The following PCDH9 variants were observed in gnomAD, a reference collection of about 807,000 sequenced individuals.
The protein encoded by PCDH9 is protocadherin 9, also known as protocadherin-9.
PCDH9 carries 24 observed loss-of-function variants against 70.6 expected under a neutral mutation model. The observed-to-expected ratio is 0.34, with a 90% confidence interval of 0.25 to 0.48. PCDH9 has a LOEUF of 0.48. Among genes scored for constraint, PCDH9 ranks in the 20% least tolerant of loss-of-function variants. The pLI, the probability that PCDH9 is intolerant of heterozygous loss-of-function variation, is 0.99. For synonymous variants in PCDH9, 562 were observed against 558.5 expected (o/e 1.01, Z -0.09); for missense variants, 1,281 against 1,503.6 (o/e 0.85, Z 2.45).
At chr13:67,176,281 A>G (rs1254545164) in intron 2 of PCDH9, among the ~76,000 whole-genome samples, 1 of 152,134 alleles carries the variant, frequency 6.6e-6, no homozygotes, top group African/African-American at 2.4e-5. Context: ...TGGTGTTCCA[A>G]TTATTACCAG....
At chr13:66,774,984 C>A (rs1472181936) in intron 3 of PCDH9, among the ~76,000 whole-genome samples, 1 of 152,130 alleles carries the variant, frequency 6.6e-6, no homozygotes, top group Admixed American at 6.5e-5. Flanking sequence ...ACATTGAAAT[C>A]TATTATAATT....
intron 2 of PCDH9, among the ~76,000 whole-genome samples, chr13:66,921,044 T>A (rs993369526): frequency 1.3e-5 from 2 of 151,154 alleles, no homozygotes; most frequent in Admixed American, 1.3e-4. Flanking sequence ...TGATCAATGC[T>A]TATACTGAAT....
intron 4 of PCDH9, among the ~76,000 whole-genome samples, chr13:66,446,517 T>A (rs1217253851): frequency 2.6e-5 from 4 of 152,090 alleles, no homozygotes; most frequent in Non-Finnish European, 1.5e-5. Context: ...CTAAAAGCCA[T>A]GATTTATAAC....
chr13:66,648,342 C>G (rs1274360243), intron 3 of PCDH9, among the ~76,000 whole-genome samples: 1 of 152,172 alleles, frequency 6.6e-6, no homozygotes, highest in African/African-American at 2.4e-5. Context: ...TCCTCCAGCA[C>G]CAGGCAGCTC....
chr13:66,440,144 C>T (rs75862162), intron 4 of PCDH9, among the ~76,000 whole-genome samples: 3 of 152,274 alleles, frequency 2.0e-5, no homozygotes, highest in East Asian at 1.9e-4. Flanking sequence ...CTGTCTACTT[C>T]GATGAGAAGT....
chr13:66,510,059 T>C (rs1959391304), intron 4 of PCDH9, among the ~76,000 whole-genome samples: 1 of 152,182 alleles, frequency 6.6e-6, no homozygotes, highest in Admixed American at 6.5e-5. Context: ...TTTTTGGCTT[T>C]TACTCTTTTA....
chr13:66,973,797 A>T (rs2083566497), intron 2 of PCDH9, among the ~76,000 whole-genome samples: 1 of 152,004 alleles, frequency 6.6e-6, no homozygotes, highest in Non-Finnish European at 1.5e-5. Flanking sequence ...TAAAAGGTAT[A>T]ATGTGTCTGA....
chr13:66,559,246 G>A (rs1480129286), intron 4 of PCDH9, among the ~76,000 whole-genome samples: 1 of 152,140 alleles, frequency 6.6e-6, no homozygotes, highest in African/African-American at 2.4e-5. Context: ...TCTTGGTGAT[G>A]TAGTAAAGGA....
chr13:67,101,316 G>T (rs2086429300), intron 2 of PCDH9, among the ~76,000 whole-genome samples: 1 of 151,752 alleles, frequency 6.6e-6, no homozygotes, highest in Admixed American at 6.6e-5. Context: ...TGTGCAGCTG[G>T]AAAAAAAAGT....
chr13:66,492,133 T>C (rs7339194), intron 4 of PCDH9, among the ~76,000 whole-genome samples: 118,247 of 152,076 alleles, frequency 0.78, 47,138 homozygotes, highest in East Asian at 0.91. Context: ...AAAAGATACT[T>C]GCTGTTTGTC....
intron 3 of PCDH9, among the ~76,000 whole-genome samples, chr13:66,781,317 T>A (rs563718781): frequency 4.1e-4 from 63 of 152,312 alleles, no homozygotes; most frequent in African/African-American, 1.5e-3. Context: ...TGTACTAGGA[T>A]TCACCTCTTG....
rs149186689 is a variant in PCDH9 at position 67,043,498 on chromosome 13, G to A, written c.3037-139893C>T. On this transcript the variant is annotated intron_variant, in intron 2 of 4. Transcript: ENST00000377865. Reference sequence around the variant, plus strand: ...AAAGTGGATGGTGATGCCAAATACAGGGATAAAATATATAGGAAGTAGAAC... The same window carrying A: ...AAAGTGGATGGTGATGCCAAATACAAGGATAAAATATATAGGAAGTAGAAC... Among the ~76,000 whole-genome samples the A allele has an allele frequency of 7.9e-3, 1,196 of 152,144 alleles. 52 individuals carry two copies. The highest frequency in any genetic ancestry group is 0.069 in the Admixed American group (1,049 of 15,258).
At chr13:67,010,247 T>C (rs73211165) in intron 2 of PCDH9, among the ~76,000 whole-genome samples, 24,905 of 151,846 alleles carry the variant, frequency 0.16, 2,167 homozygotes, top group Middle Eastern at 0.24. Flanking sequence ...ATAAGTTCCT[T>C]AAAGTCCCCA....
At chr13:67,176,612 T>C (rs1422433526) in intron 2 of PCDH9, among the ~76,000 whole-genome samples, 2 of 152,100 alleles carry the variant, frequency 1.3e-5, no homozygotes, top group Admixed American at 6.6e-5. Context: ...ACTTTTCCTG[T>C]AGTACTAATA....
chr13:66,893,891 C>T (rs893157706), intron 3 of PCDH9, among the ~76,000 whole-genome samples: 1 of 152,032 alleles, frequency 6.6e-6, no homozygotes, highest in African/African-American at 2.4e-5. Flanking sequence ...AAAAATTGTC[C>T]TCATCCTCAG....
intron 4 of PCDH9, among the ~76,000 whole-genome samples, chr13:66,508,341 G>C (rs574681235): frequency 6.6e-6 from 1 of 152,046 alleles, no homozygotes; most frequent in Non-Finnish European, 1.5e-5. Flanking sequence ...TGGAGATGGT[G>C]GTTGCGCAAC....
intron 2 of PCDH9, among the ~76,000 whole-genome samples, chr13:66,965,975 T>C (rs1001343132): frequency 2.0e-5 from 3 of 152,152 alleles, no homozygotes; most frequent in East Asian, 3.8e-4. Flanking sequence ...TTTTCAAGAA[T>C]TGAATTTAGG....
At chr13:66,794,797 G>C (rs2080214566) in intron 3 of PCDH9, among the ~76,000 whole-genome samples, 1 of 151,910 alleles carries the variant, frequency 6.6e-6, no homozygotes, top group African/African-American at 2.4e-5. Flanking sequence ...AAGATCTTTT[G>C]CTCTGTTATT....
At chr13:67,020,454 G>T (rs1213091015) in intron 2 of PCDH9, among the ~76,000 whole-genome samples, 1 of 152,090 alleles carries the variant, frequency 6.6e-6, no homozygotes, top group Non-Finnish European at 1.5e-5. Context: ...TGCTAAACAA[G>T]CAAAATATGG....
Sources: gnomAD v4.1 joint callset for allele counts (sites outside exome capture counted in the v4.1 genomes callset) on GRCh38, gnomAD v4.1.1 for gene constraint, MANE v1.5 for transcripts, NCBI Gene and HGNC (gene_info 2026-07-23, HGNC 2026-07-21) for gene names.